MCHR2: variants seen among roughly 807,000 people sequenced by gnomAD.
MCHR2 encodes the protein melanin concentrating hormone receptor 2.
Under a neutral mutation model 24.8 loss-of-function variants are expected in MCHR2, and 15 were observed. That is an observed-to-expected ratio of 0.60 (90% CI 0.40 to 0.93). The LOEUF (loss-of-function observed/expected upper bound fraction) is 0.93, where lower values mean the gene tolerates loss of function less well. MCHR2 is among the 40% of genes least tolerant of loss of function. MCHR2 has a pLI of 0.00. For missense variants in MCHR2, 386 were observed against 408.7 expected, an observed-to-expected ratio of 0.94 and a Z score of 0.48; for synonymous variants, 151 against 147.6, an observed-to-expected ratio of 1.02 and a Z score of -0.17.
chr6:99,928,142 T>C (rs1052823841), intron 5 of MCHR2, among the ~76,000 whole-genome samples: 5 of 152,260 alleles, frequency 3.3e-5, no homozygotes, highest in African/African-American at 1.2e-4. Flanking sequence ...ATTACCTTTA[T>C]GGATTTGCAT....
intron 1 of MCHR2, among the ~76,000 whole-genome samples, chr6:99,984,070 G>A (rs1480189297): frequency 6.6e-6 from 1 of 151,634 alleles, no homozygotes; most frequent in Non-Finnish European, 1.5e-5. Flanking sequence ...AAACGTAAAG[G>A]GTATTCATTA....
Position 99,919,696 on chromosome 6 carries a change from A to C in MCHR2, c.*1244T>G, listed in dbSNP as rs1044048030. Among the ~76,000 whole-genome samples, 4 of 151,798 alleles carry C rather than the reference A, an allele frequency of 2.6e-5. No individual in the cohort carries two copies. Among genetic ancestry groups the C allele is most frequent in the Non-Finnish European group, 4.4e-5 (3 of 67,958 alleles). ...TAGAACAAACATGTATACTGTAACC[A>C]AAAGGGAATGTTTCTTGTTTTTTTT... is the stretch of plus-strand genomic sequence containing the variant. On this transcript the variant is annotated 3_prime_UTR_variant, in exon 6 of 6. Coordinates refer to ENST00000281806, the MANE Select transcript of MCHR2 (RefSeq NM_001040179.2).
chr6:99,930,575 C>T, intron 5 of MCHR2, among the ~76,000 whole-genome samples: 1 of 142,230 alleles, frequency 7.0e-6, no homozygotes, highest in Non-Finnish European at 1.6e-5. Context: ...CCTTTTGCTT[C>T]ATTTCATTCA....
chr6:99,952,947 T>C (rs1353008750), intron 2 of MCHR2, among the ~76,000 whole-genome samples: 2 of 152,166 alleles, frequency 1.3e-5, no homozygotes, highest in Non-Finnish European at 2.9e-5. Flanking sequence ...GAAGAAATGA[T>C]AGATTTTTCT....
At chr6:99,949,915 A>T (rs1222184383) in intron 2 of MCHR2, among the ~76,000 whole-genome samples, 1 of 10,724 alleles carries the variant, frequency 9.3e-5, no homozygotes, top group East Asian at 4.1e-3. Context: ...AAAGAGCTCC[A>T]AACTAAAAAA....
intron 2 of MCHR2, among the ~76,000 whole-genome samples, chr6:99,954,016 C>T (rs1284246173): frequency 1.3e-5 from 2 of 152,056 alleles, no homozygotes; most frequent in South Asian, 2.1e-4. Context: ...CGAGCCTTCT[C>T]GGGGTGACCT....
At chr6:99,970,738 A>G (rs1775394522) in intron 1 of MCHR2, among the ~76,000 whole-genome samples, 1 of 152,130 alleles carries the variant, frequency 6.6e-6, no homozygotes, top group Non-Finnish European at 1.5e-5. Flanking sequence ...TAATTTTTGT[A>G]TAAAGTGTAA....
intron 5 of MCHR2, among the ~76,000 whole-genome samples, chr6:99,925,728 T>G (rs1305839564): frequency 6.6e-6 from 1 of 151,980 alleles, no homozygotes; most frequent in Non-Finnish European, 1.5e-5. Context: ...TTTAACTTTT[T>G]GTTGTTTCAG....
chr6:99,959,521 C>T (rs1775136450), intron 1 of MCHR2, among the ~76,000 whole-genome samples: 1 of 150,286 alleles, frequency 6.7e-6, no homozygotes, highest in African/African-American at 2.4e-5. Flanking sequence ...AGTAAATTTT[C>T]AGAAATTGAT....
chr6:99,981,773 A>G (rs1775674059), intron 1 of MCHR2, among the ~76,000 whole-genome samples: 1 of 152,138 alleles, frequency 6.6e-6, no homozygotes, highest in Admixed American at 6.5e-5. Context: ...GTTGATGTGG[A>G]AAGCTCTTCT....
intron 1 of MCHR2, among the ~76,000 whole-genome samples, chr6:99,992,734 G>C (rs759911106): frequency 6.6e-6 from 1 of 152,214 alleles, no homozygotes; most frequent in Non-Finnish European, 1.5e-5. Flanking sequence ...GTTAGGCTAA[G>C]AGTCGAATAA....
chr6:99,951,529 C>T (rs986055182), intron 2 of MCHR2, among the ~76,000 whole-genome samples: 9 of 152,234 alleles, frequency 5.9e-5, no homozygotes, highest in Non-Finnish European at 1.0e-4. Context: ...CTTAGGCAAG[C>T]GATTCAACTT....
At chr6:99,978,250 A>C (rs1775593300) in intron 1 of MCHR2, among the ~76,000 whole-genome samples, 1 of 152,128 alleles carries the variant, frequency 6.6e-6, no homozygotes, top group African/African-American at 2.4e-5. Context: ...CTATAGTACA[A>C]ATGGTGCTTA....
In MCHR2 at chr6:99,977,566, C is replaced by T. The variant is rs531749691; in HGVS notation, c.-28+16370G>A. Among the ~76,000 whole-genome samples the T allele has an allele frequency of 4.6e-4, 70 of 152,140 alleles. No individual in the cohort carries two copies. The South Asian group carries it at 0.014, about 31-fold the overall frequency. On this transcript the variant is annotated intron_variant, in intron 1 of 5. Coordinates refer to ENST00000281806, the MANE Select transcript of MCHR2 (RefSeq NM_001040179.2). ...GCAAAGAAAAAAAAGTCATATTTAC[C>T]ATTGCATTGGTATAAAGGCAAATGT... is the stretch of plus-strand genomic sequence containing the variant.
intron 1 of MCHR2, among the ~76,000 whole-genome samples, chr6:99,990,683 A>G (rs1287548730): frequency 3.9e-5 from 6 of 152,082 alleles, no homozygotes; most frequent in African/African-American, 1.4e-4. Context: ...AATCAATCTA[A>G]CTTTTAAAAA....
intron 1 of MCHR2, among the ~76,000 whole-genome samples, chr6:99,984,287 T>A (rs538470180): frequency 6.6e-6 from 1 of 151,610 alleles, no homozygotes; most frequent in African/African-American, 2.4e-5. Context: ...TACTTTAAGT[T>A]TTAGGGTACA....
intron 1 of MCHR2, among the ~76,000 whole-genome samples, chr6:99,963,914 A>G (rs1043273431): frequency 6.6e-6 from 1 of 152,136 alleles, no homozygotes; most frequent in Admixed American, 6.6e-5. Flanking sequence ...AAATATATAA[A>G]CTATCTATAC....
chr6:99,939,305 C>T lies in MCHR2; in HGVS notation c.587+3644G>A, dbSNP rs191577554. On this transcript the variant is annotated intron_variant, in intron 4 of 5. Transcript: ENST00000281806. Reference sequence around the variant, plus strand: ...TTTGTGGAAAAGTGAATTTCTCTGGCGGAATGTCTTAGTTCATTCCTTTTT... The same window carrying T: ...TTTGTGGAAAAGTGAATTTCTCTGGTGGAATGTCTTAGTTCATTCCTTTTT... 7.2e-5 allele frequency among the ~76,000 whole-genome samples: 11 copies of T among 152,078 alleles called. No individual in the cohort carries two copies. In the East Asian group the frequency reaches 7.7e-4, roughly 11 times the overall value.
chr6:99,986,596 A>G (rs1046974978), intron 1 of MCHR2, among the ~76,000 whole-genome samples: 4 of 152,186 alleles, frequency 2.6e-5, no homozygotes, highest in African/African-American at 7.2e-5. Flanking sequence ...ACATATTCTC[A>G]CTTATAAGTG....
Sources: gnomAD v4.1 joint callset for allele counts (sites outside exome capture counted in the v4.1 genomes callset) on GRCh38, gnomAD v4.1.1 for gene constraint, MANE v1.5 for transcripts, NCBI Gene and HGNC (gene_info 2026-07-23, HGNC 2026-07-21) for gene names.